Variants in RAPGEF2 observed in about 807,000 individuals in gnomAD.
RAPGEF2 encodes Rap guanine nucleotide exchange factor 2, also known as PDZ domain containing guanine nucleotide exchange factor (GEF) 1.
In RAPGEF2, 54 loss-of-function variants were observed where a neutral mutation model predicts 186.7. The observed-to-expected ratio is 0.29, with a 90% CI of 0.23 to 0.36. RAPGEF2 has a LOEUF of 0.36. Ranked by LOEUF, RAPGEF2 falls within the 10% of genes least tolerant of loss-of-function variation. The pLI, the probability that RAPGEF2 is intolerant of heterozygous loss-of-function variation, is 1.00. For missense variants in RAPGEF2, 1,532 were observed against 2,045.0 expected (o/e 0.75, Z 4.84); for synonymous variants, 712 against 705.9 (o/e 1.01, Z -0.14).
At chr4:159,271,838 T>G (rs1279085161) in intron 7 of RAPGEF2, among the ~76,000 whole-genome samples, 1 of 152,242 alleles carries the variant, frequency 6.6e-6, no homozygotes, top group Non-Finnish European at 1.5e-5. Flanking sequence ...TATAAAACTT[T>G]CATTGCTTGG....
intron 1 of RAPGEF2, among the ~76,000 whole-genome samples, chr4:159,161,925 T>G (rs1744750751): frequency 6.6e-6 from 1 of 152,208 alleles, no homozygotes; most frequent in South Asian, 2.1e-4. Flanking sequence ...GTAATTTAGA[T>G]TATCTTCCAA....
chr4:159,354,881 C>T (rs989867659), intron 28 of RAPGEF2, among the ~76,000 whole-genome samples: 1 of 152,180 alleles, frequency 6.6e-6, no homozygotes, highest in Non-Finnish European at 1.5e-5. Flanking sequence ...CAATTAACAT[C>T]TATATAGACG....
intron 7 of RAPGEF2, among the ~76,000 whole-genome samples, chr4:159,278,196 T>C (rs751514247): frequency 3.9e-5 from 6 of 152,216 alleles, no homozygotes; most frequent in Non-Finnish European, 7.3e-5. Flanking sequence ...ATCTGTTAAA[T>C]AGGGAATTCT....
chr4:159,264,854 A>G (rs924510569), intron 7 of RAPGEF2, among the ~76,000 whole-genome samples: 1 of 151,954 alleles, frequency 6.6e-6, no homozygotes, highest in Admixed American at 6.6e-5. Context: ...ATTATATATT[A>G]TTTGTCCTTT....
At chr4:159,200,998 CTT>C (rs1385933757) in intron 3 of RAPGEF2, among the ~76,000 whole-genome samples, 1 of 152,136 alleles carries the variant, frequency 6.6e-6, no homozygotes, top group Non-Finnish European at 1.5e-5. Context: ...GCCCTTAACT[CTT>C]GTTAGTCCTC....
intron 1 of RAPGEF2, among the ~76,000 whole-genome samples, chr4:159,109,950 A>G (rs764472310): frequency 1.3e-5 from 2 of 152,224 alleles, no homozygotes; most frequent in Non-Finnish European, 2.9e-5. Context: ...GTTCTGTTAA[A>G]GACTGATGTT....
At chr4:159,152,915 C>G (rs1743716554) in intron 1 of RAPGEF2, among the ~76,000 whole-genome samples, 1 of 152,178 alleles carries the variant, frequency 6.6e-6, no homozygotes, top group African/African-American at 2.4e-5. Flanking sequence ...CGTGCCTGGC[C>G]TAAGTGTTAT....
rs541656915 is a variant in RAPGEF2, at chr4:159,154,857, A to G, written c.70-31785A>G. ...TATATTAGGCCAAGTGGGCGAAGAC[A>G]AATATTCTCTTTTGTTAGAAATGGG... On this transcript the variant is annotated intron_variant, in intron 1 of 29. Coordinates refer to ENST00000691494, the MANE Select transcript of RAPGEF2 (RefSeq NM_001394067.2). 1.1e-4 allele frequency among the ~76,000 whole-genome samples: 16 copies of G among 152,318 alleles called. No individual in the cohort carries two copies. In the East Asian group the frequency reaches 2.5e-3, roughly 24 times the overall value.
At chr4:159,357,544 CAT>C (rs1440115572) in intron 29 of RAPGEF2, among the ~76,000 whole-genome samples, 1 of 152,100 alleles carries the variant, frequency 6.6e-6, no homozygotes, top group East Asian at 1.9e-4. Context: ...ATTACACAAT[CAT>C]AGAAAAAAGC....
intron 12 of RAPGEF2, 34 bp downstream of exon 12, chr4:159,330,044 G>T: frequency 6.4e-7 from 1 of 1,570,076 alleles, no homozygotes; most frequent in South Asian, 1.2e-5. Flanking sequence ...CCAAGGAAAG[G>T]AATTTTTTTT....
chr4:159,193,766 A>G (rs1748354265), intron 3 of RAPGEF2, among the ~76,000 whole-genome samples: 2 of 152,270 alleles, frequency 1.3e-5, no homozygotes, highest in South Asian at 2.1e-4. Flanking sequence ...TAAAGAATAT[A>G]TAGTAGATAA....
Position 159,323,542 on chromosome 4 carries a change from T to C in RAPGEF2, c.1074T>C (p.Asn358=). The C allele has an allele frequency of 6.2e-7, 1 of 1,613,208 alleles. No homozygotes were observed. The highest frequency in any genetic ancestry group is 8.5e-7 in the Non-Finnish European group (1 of 1,179,526). Residue 358 remains asparagine, a synonymous_variant, in exon 11 of 30, where the codon AAT becomes AAC. Coordinates refer to ENST00000691494, the MANE Select transcript of RAPGEF2 (RefSeq NM_001394067.2). ...AAGCAGAAATACTGTGCATGGGAAA[T>C]AGTTTTGGTGTCTCTCCTACCATGG... ...DGKAEILCMG[N]SFGVSPTMDK...
At chr4:159,127,306 T>G (rs1458511354) in intron 1 of RAPGEF2, among the ~76,000 whole-genome samples, 1 of 152,158 alleles carries the variant, frequency 6.6e-6, no homozygotes, top group African/African-American at 2.4e-5. Flanking sequence ...GGATTACAGG[T>G]GTGAACCACC....
At chr4:159,133,205 A>G (rs1464384987) in intron 1 of RAPGEF2, among the ~76,000 whole-genome samples, 1 of 152,192 alleles carries the variant, frequency 6.6e-6, no homozygotes, top group Non-Finnish European at 1.5e-5. Context: ...ATTACAGAAT[A>G]TCACAGGGCT....
chr4:159,278,982 T>C (rs1759303269), intron 7 of RAPGEF2, among the ~76,000 whole-genome samples: 1 of 152,192 alleles, frequency 6.6e-6, no homozygotes, highest in Non-Finnish European at 1.5e-5. Context: ...CCCTTTCCTT[T>C]AGGTGACTGT....
At chr4:159,144,431 G>C (rs1742681108) in intron 1 of RAPGEF2, among the ~76,000 whole-genome samples, 1 of 152,126 alleles carries the variant, frequency 6.6e-6, no homozygotes, top group Admixed American at 6.5e-5. Flanking sequence ...TGTCCTTTCT[G>C]TGGTATTGCG....
At chr4:159,332,417 C>T in intron 16 of RAPGEF2, 34 bp from the exon 17 acceptor site, 2 of 1,583,670 alleles carry the variant, frequency 1.3e-6, no homozygotes, top group South Asian at 1.1e-5. Context: ...TTATAATTGC[C>T]ATTACGTGGT....
At position 159,290,644 on chromosome 4, in the gene RAPGEF2, A is replaced by G. The variant is rs374542858; in HGVS notation, c.544-13698A>G. 2.6e-5 allele frequency among the ~76,000 whole-genome samples: 4 copies of G among 152,312 alleles called. No homozygotes were observed. The East Asian group carries it at 5.8e-4, about 22-fold the overall frequency. On this transcript the variant is annotated intron_variant, in intron 7 of 29. Coordinates refer to ENST00000691494, the MANE Select transcript of RAPGEF2 (RefSeq NM_001394067.2). ...ATGGCAGGTGACTGAGAAAGTCATG[A>G]AAAGTGCTGGAGCATTGGCAGAAGT...
Position 159,168,158 on chromosome 4 carries a change from TCTTTA to T in RAPGEF2, c.70-18479_70-18475del, listed in dbSNP as rs1470120924. ...TAGTGAATTCTACAAGGAAGTTACC[TCTTTA>T]CTTTCATACAACAGTATGTTGTTTT... On this transcript the variant is annotated intron_variant, in intron 1 of 29. Transcript: ENST00000691494. Among the ~76,000 whole-genome samples the T allele has an allele frequency of 1.5e-4, 23 of 152,324 alleles. No individual in the cohort carries two copies. In the East Asian group the frequency reaches 2.7e-3, roughly 18 times the overall value.
Sources: allele counts gnomAD v4.1 joint callset (sites outside exome capture counted in the v4.1 genomes callset), GRCh38; gene constraint gnomAD v4.1.1; transcripts MANE v1.5; gene names NCBI Gene and HGNC (gene_info 2026-07-23, HGNC 2026-07-21).